The following KLHL1 variants were observed in gnomAD, a reference collection of about 807,000 sequenced individuals.
KLHL1 encodes the protein kelch-like protein 1.
In KLHL1, 47 loss-of-function variants were observed where a neutral mutation model predicts 77.7. The ratio of observed to expected loss-of-function variants is 0.60; its 90% CI spans 0.48 to 0.77. The LOEUF is 0.77. Among genes scored for constraint, KLHL1 ranks in the 30% least tolerant of loss-of-function variants. KLHL1 has a pLI of 0.00. For missense variants in KLHL1, 925 were observed against 910.8 expected, an observed-to-expected ratio of 1.02 and a Z score of -0.20; for synonymous variants, 360 against 325.2, an observed-to-expected ratio of 1.11 and a Z score of -1.15.
intron 5 of KLHL1, among the ~76,000 whole-genome samples, chr13:69,859,189 G>A (rs12427920): frequency 0.19 from 28,267 of 151,512 alleles, 2,929 homozygotes; most frequent in East Asian, 0.24. Context: ...CTTCTGACTG[G>A]TGTATCTGCT....
intron 9 of KLHL1, among the ~76,000 whole-genome samples, chr13:69,713,358 T>C (rs566011128): frequency 6.6e-6 from 1 of 152,288 alleles, no homozygotes; most frequent in African/African-American, 2.4e-5. Context: ...CGTCATTTCT[T>C]TCTTCTCATT....
Position 69,740,489 on chromosome 13 carries a change from T to C in KLHL1, c.1707A>G (p.Thr569=), listed in dbSNP as rs756104853. ...GGHDGWSYLN[T]VERWDPQSQQ... ...GACTCTGTGGATCCCACCTTTCCAC[T>C]GTATTCAGATAGCTCCAGCCATCAT... Residue 569 remains threonine (T), a synonymous_variant, in exon 8 of 11, where the codon ACA becomes ACG. Transcript: ENST00000377844. 3 of 1,612,942 alleles carry C rather than the reference T, an allele frequency of 1.9e-6. No homozygotes were observed. The highest frequency in any genetic ancestry group is 1.1e-5 in the South Asian group (1 of 91,002).
At position 69,882,284 on chromosome 13, in the gene KLHL1, T is replaced by C; in HGVS notation, c.1226A>G (p.Gln409Arg). 14 of 1,603,436 alleles carry C rather than the reference T, an allele frequency of 8.7e-6. No individual in the cohort carries two copies. Among genetic ancestry groups the C allele is most frequent in the Non-Finnish European group, 1.2e-5 (14 of 1,170,316 alleles). Residue 409 changes from glutamine to arginine, a missense_variant and splice_region_variant, in exon 5 of 11, where the codon CAG becomes CGG. Physicochemically the swap from Gln to Arg is conservative, Grantham distance 43 (BLOSUM62 1). Transcript: ENST00000377844. The part of the protein sequence containing the change: ...AFIRLPLLPP[Q>R]ILADLENHAL... ...TTAAACAGCGTCACACATCATTACC[T>C]GTGGTGGAAGCAGTGGCAGTCTTAT...
intron 6 of KLHL1, among the ~76,000 whole-genome samples, chr13:69,830,882 T>A (rs114262339): frequency 0.044 from 6,525 of 149,808 alleles, 937 homozygotes; most frequent in African/African-American, 0.15. Context: ...ATAGAAATTT[T>A]AAAAATTATA....
At chr13:69,740,690 G>T in intron 7 of KLHL1, 134 bp from the exon 8 acceptor site, 1 of 543,380 alleles carries the variant, frequency 1.8e-6, no homozygotes, top group South Asian at 5.3e-5. Context: ...AAATTGAATA[G>T]ATTTATTTCA....
intron 7 of KLHL1, among the ~76,000 whole-genome samples, chr13:69,785,859 T>C (rs1876512441): frequency 6.6e-6 from 1 of 152,084 alleles, no homozygotes; most frequent in African/African-American, 2.4e-5. Context: ...CAAACTACCA[T>C]CAGAGAATAC....
At chr13:70,039,766 A>T (rs1886329389) in intron 1 of KLHL1, among the ~76,000 whole-genome samples, 1 of 150,832 alleles carries the variant, frequency 6.6e-6, no homozygotes, top group Non-Finnish European at 1.5e-5. Flanking sequence ...CAGCCTCCTG[A>T]GTAGCTGGAA....
intron 1 of KLHL1, among the ~76,000 whole-genome samples, chr13:70,020,936 T>C (rs993291993): frequency 2.6e-5 from 4 of 152,170 alleles, no homozygotes; most frequent in South Asian, 2.1e-4. Flanking sequence ...TTTCCACATA[T>C]CCCCTGCTTC....
rs570764081 is a variant in KLHL1 at position 70,050,677 on chromosome 13, C to T, written c.497+56526G>A. On this transcript the variant is annotated intron_variant, in intron 1 of 10. Transcript: ENST00000377844. ...AGTTTAATTATGATGATGCAAACTTCTGCTTCTGCATTCAAAAAATATTTT... is the reference window on the plus strand; with the variant it reads ...AGTTTAATTATGATGATGCAAACTTTTGCTTCTGCATTCAAAAAATATTTT... 5.3e-5 allele frequency among the ~76,000 whole-genome samples: 8 copies of T among 152,058 alleles called. No homozygotes were observed. In the South Asian group the frequency reaches 1.7e-3, roughly 32 times the overall value.
At chr13:69,718,648 C>T (rs1239315081) in intron 9 of KLHL1, among the ~76,000 whole-genome samples, 3 of 152,060 alleles carry the variant, frequency 2.0e-5, no homozygotes, top group African/African-American at 7.2e-5. Flanking sequence ...AAGGACTCTT[C>T]AGTCCTTACT....
intron 1 of KLHL1, among the ~76,000 whole-genome samples, chr13:70,093,038 CAT>C (rs1213084765): frequency 2.0e-5 from 3 of 151,932 alleles, no homozygotes; most frequent in African/African-American, 7.2e-5. Flanking sequence ...TTTTTAAAGA[CAT>C]TGAATAACAT....
intron 4 of KLHL1, among the ~76,000 whole-genome samples, chr13:69,903,727 C>T (rs1487912839): frequency 3.5e-5 from 5 of 144,076 alleles, no homozygotes; most frequent in African/African-American, 5.1e-5. Flanking sequence ...CTGCAACCTC[C>T]GCCTCCTGGG....
chr13:70,031,115 C>CAA (rs10719197), intron 1 of KLHL1, among the ~76,000 whole-genome samples: 16 of 68,442 alleles, frequency 2.3e-4, no homozygotes, highest in East Asian at 1.7e-3. Context: ...GCCTGCCAAC[C>CAA]AAAAAAAAAC....
rs116585286 is a variant in KLHL1, at chr13:70,078,566, T to C, written c.497+28637A>G. 3.2e-3 allele frequency among the ~76,000 whole-genome samples: 492 copies of C among 152,226 alleles called. 1 individual carries two copies. Among genetic ancestry groups the C allele is most frequent in the African/African-American group, 0.011 (445 of 41,572 alleles). ...CTTGGCAGTCACACAAACAGTTTTC[T>C]AGAATTTGAAAAGCCACTAATAAGA... On this transcript the variant is annotated intron_variant, in intron 1 of 10. Transcript: ENST00000377844.
intron 1 of KLHL1, among the ~76,000 whole-genome samples, chr13:70,050,038 A>G (rs1886592425): frequency 1.3e-5 from 2 of 151,988 alleles, no homozygotes; most frequent in Non-Finnish European, 2.9e-5. Context: ...AAAAGAATCA[A>G]TTTACTGCCT....
intron 1 of KLHL1, among the ~76,000 whole-genome samples, chr13:70,077,584 G>GT: frequency 6.6e-6 from 1 of 151,988 alleles, no homozygotes; most frequent in African/African-American, 2.4e-5. Context: ...CAAACCCATA[G>GT]ATTTTGGATA....
intron 1 of KLHL1, among the ~76,000 whole-genome samples, chr13:70,011,253 C>T (rs909735536): frequency 1.3e-5 from 2 of 152,040 alleles, no homozygotes; most frequent in Admixed American, 6.5e-5. Context: ...AAGAGATAAA[C>T]TACATTAAAT....
At chr13:69,926,469 C>T (rs1284260545) in intron 4 of KLHL1, among the ~76,000 whole-genome samples, 2 of 152,142 alleles carry the variant, frequency 1.3e-5, no homozygotes, top group Non-Finnish European at 2.9e-5. Context: ...CCTCATAAAA[C>T]ATCTCATGTC....
At chr13:69,787,060 A>G (rs1039726991) in intron 7 of KLHL1, among the ~76,000 whole-genome samples, 2 of 152,218 alleles carry the variant, frequency 1.3e-5, no homozygotes, top group Admixed American at 1.3e-4. Flanking sequence ...GGAAGAATCA[A>G]TATCGTGAAA....
Sources: gnomAD v4.1 joint callset for allele counts (sites outside exome capture counted in the v4.1 genomes callset) on GRCh38, gnomAD v4.1.1 for gene constraint, MANE v1.5 for transcripts, NCBI Gene and HGNC (gene_info 2026-07-23, HGNC 2026-07-21) for gene names.